CYTH3: variants seen among roughly 807,000 people sequenced by gnomAD.
The protein encoded by CYTH3 is cytohesin-3.
In CYTH3, 23 loss-of-function variants were observed where a neutral mutation model predicts 55.1. That is an observed-to-expected ratio of 0.42 (90% confidence interval 0.30 to 0.59). The LOEUF (loss-of-function observed/expected upper bound fraction) is 0.59. Ranked by LOEUF, CYTH3 falls within the 20% of genes least tolerant of loss-of-function variation. The pLI is 0.20. For missense variants in CYTH3, 413 were observed against 524.8 expected, an observed-to-expected ratio of 0.79 and a Z score of 2.08; for synonymous variants, 249 against 194.9, an observed-to-expected ratio of 1.28 and a Z score of -2.31.
rs1562418259 is a variant in CYTH3, at chr7:6,259,826, ATATATATTT to A, written c.34+12639_34+12647del. ...ATATATATATATAATATATATATAT[ATATATATTT>A]TTTTTTTTTTTTAAGACGGATTTTC... On this transcript the variant is annotated intron_variant, in intron 1 of 12. Transcript: ENST00000350796. 3.5e-3 allele frequency among the ~76,000 whole-genome samples: 80 copies of A among 22,762 alleles called. 2 individuals carry two copies. The highest frequency in any genetic ancestry group is 0.036 in the Middle Eastern group (1 of 28). The allele number at this position is 22,762 out of a possible 152,430, so 14.9% of individuals were successfully genotyped here. A position where few individuals can be genotyped will look rare whatever the true frequency, so the allele number is the denominator to read the frequency against.
chr7:6,168,801 C>G (rs965163553), intron 9 of CYTH3, among the ~76,000 whole-genome samples: 2 of 152,356 alleles, frequency 1.3e-5, no homozygotes, highest in East Asian at 3.9e-4. Context: ...CCGACCTTTC[C>G]CTGGTGGCAG....
Position 6,272,564 on chromosome 7 carries a change from C to G in CYTH3, c.-57G>C. ...GGGCCGGCAGCAGAGGGGCCGCGGG[C>G]TGGGGACGCCGCCGGAGGGAGCGCG... On this transcript the variant is annotated 5_prime_UTR_variant, in exon 1 of 13. Coordinates refer to ENST00000350796, the MANE Select transcript of CYTH3 (RefSeq NM_004227.4). The G allele has an allele frequency of 1.7e-6, 2 of 1,172,418 alleles. No individual in the cohort carries two copies. Among genetic ancestry groups the G allele is most frequent in the Non-Finnish European group, 2.1e-6 (2 of 943,638 alleles). The allele number at this position is 1,172,418 out of a possible 1,614,324, so 72.6% of individuals were successfully genotyped here.
intron 1 of CYTH3, among the ~76,000 whole-genome samples, chr7:6,237,347 T>C (rs1323382776): frequency 6.6e-6 from 1 of 152,152 alleles, no homozygotes; most frequent in Non-Finnish European, 1.5e-5. Flanking sequence ...AAAATAAATC[T>C]ACTACACTGA....
At chr7:6,201,052 G>C (rs1270699670) in intron 1 of CYTH3, among the ~76,000 whole-genome samples, 2 of 152,166 alleles carry the variant, frequency 1.3e-5, no homozygotes, top group Non-Finnish European at 2.9e-5. Flanking sequence ...GAGCCACCTT[G>C]CCTGGCTCAA....
intron 1 of CYTH3, among the ~76,000 whole-genome samples, chr7:6,226,591 G>C (rs549317890): frequency 6.6e-6 from 1 of 152,140 alleles, no homozygotes; most frequent in African/African-American, 2.4e-5. Context: ...CTAATGCCCT[G>C]ATTAACTTTT....
intron 6 of CYTH3, chr7:6,172,921 C>T: frequency 8.4e-7 from 1 of 1,192,054 alleles, no homozygotes. Context: ...TGAGGTAAGG[C>T]CATGAGCAAA....
rs1311364376 is a variant in CYTH3 at position 6,179,684 on chromosome 7, AC to A, written c.250-1744del. ...CACACCCCACACACACACCACACAC[AC>A]CCCCCCACACACACACCCCACACAC... On this transcript the variant is annotated intron_variant, in intron 4 of 12. Transcript: ENST00000350796. Among the ~76,000 whole-genome samples the A allele has an allele frequency of 5.5e-4, 24 of 43,532 alleles. No homozygotes were observed. The East Asian group carries it at 6.7e-3, about 12-fold the overall frequency. The allele number at this position is 43,532 out of a possible 152,430, so 28.6% of individuals were successfully genotyped here.
At chr7:6,233,291 CT>C (rs1319858622) in intron 1 of CYTH3, among the ~76,000 whole-genome samples, 2 of 152,208 alleles carry the variant, frequency 1.3e-5, no homozygotes, top group African/African-American at 4.8e-5. Flanking sequence ...TACTCCACGC[CT>C]TCAAGTCTTT....
chr7:6,173,048 T>C (rs1783244317), intron 6 of CYTH3: 1 of 1,072,012 alleles, frequency 9.3e-7, no homozygotes, highest in Admixed American at 4.9e-5. Context: ...AAGCCCTGCC[T>C]CCTCTCCCCC....
chr7:6,183,275 T>C (rs1783553153), intron 4 of CYTH3, among the ~76,000 whole-genome samples: 1 of 152,240 alleles, frequency 6.6e-6, no homozygotes, highest in South Asian at 2.1e-4. Flanking sequence ...GGCAGTTCTT[T>C]CTTGTATGTG....
intron 1 of CYTH3, among the ~76,000 whole-genome samples, chr7:6,222,621 C>T (rs892403026): frequency 1.3e-4 from 19 of 151,866 alleles, no homozygotes; most frequent in Non-Finnish European, 2.8e-4. Flanking sequence ...GTGGCGGGCA[C>T]CTGTAGTCCC....
Position 6,170,699 on chromosome 7 carries a change from G to A in CYTH3, c.712-53C>T. ...TCAGAGACTCGGAGGAAAATGGCTG[G>A]CCGGGCAGAAAGCTCAGCGGGACCA... is the stretch of plus-strand genomic sequence containing the variant. On this transcript the variant is annotated intron_variant, in intron 8 of 12. Coordinates refer to ENST00000350796, the MANE Select transcript of CYTH3 (RefSeq NM_004227.4). This position sits in a 1 kb window ranked among gnomAD's most constrained non-coding sequence, Gnocchi z 7.8. 6.3e-7 allele frequency: 1 copy of A among 1,587,946 alleles called. No individual in the cohort carries two copies. The highest frequency in any genetic ancestry group is 8.6e-7 in the Non-Finnish European group (1 of 1,165,300).
chr7:6,182,608 G>C (rs769213486), intron 4 of CYTH3, among the ~76,000 whole-genome samples: 1 of 152,236 alleles, frequency 6.6e-6, no homozygotes. Context: ...CTGGGCTCAA[G>C]TGATCCTCCC....
intron 1 of CYTH3, among the ~76,000 whole-genome samples, chr7:6,234,535 G>C (rs1455333016): frequency 1.3e-5 from 2 of 152,204 alleles, no homozygotes; most frequent in Non-Finnish European, 2.9e-5. Flanking sequence ...GTCACCATGG[G>C]AGGGTGACTC....
intron 1 of CYTH3, among the ~76,000 whole-genome samples, chr7:6,230,118 G>C (rs1779352611): frequency 6.6e-6 from 1 of 152,168 alleles, no homozygotes; most frequent in Non-Finnish European, 1.5e-5. Context: ...CTGGGCGACA[G>C]AGTGAGACTA....
intron 1 of CYTH3, among the ~76,000 whole-genome samples, chr7:6,213,580 T>C (rs1784367240): frequency 6.6e-6 from 1 of 152,022 alleles, no homozygotes; most frequent in Non-Finnish European, 1.5e-5. Flanking sequence ...TGTCTTTAAT[T>C]ACCCAATTTG....
intron 1 of CYTH3, among the ~76,000 whole-genome samples, chr7:6,245,951 T>C (rs1779803346): frequency 6.6e-6 from 1 of 152,152 alleles, no homozygotes; most frequent in South Asian, 2.1e-4. Flanking sequence ...ATGATCTAAA[T>C]TTCTAAACAA....
intron 5 of CYTH3, among the ~76,000 whole-genome samples, chr7:6,176,128 T>G (rs1007660355): frequency 4.6e-5 from 7 of 152,134 alleles, no homozygotes; most frequent in Non-Finnish European, 8.8e-5. Flanking sequence ...GTTTTTGGAG[T>G]AAAAATGTTG....
chr7:6,246,821 C>T (rs1278373439), intron 1 of CYTH3, among the ~76,000 whole-genome samples: 1 of 152,150 alleles, frequency 6.6e-6, no homozygotes, highest in African/African-American at 2.4e-5. Context: ...TCATTTGTAA[C>T]ATCTGTAATC....
Sources: gnomAD v4.1 joint callset for allele counts (sites outside exome capture counted in the v4.1 genomes callset) on GRCh38, gnomAD v4.1.1 for gene constraint, Gnocchi (gnomAD v3.1) non-coding constraint, MANE v1.5 for transcripts, NCBI Gene and HGNC (gene_info 2026-07-23, HGNC 2026-07-21) for gene names.